The following MGST1 variants were observed in gnomAD, a reference collection of about 807,000 sequenced individuals.
The protein encoded by MGST1 is microsomal glutathione S-transferase 1, also known as glutathione S-transferase 12.
MGST1 carries 5 observed loss-of-function variants against 8.9 expected under a neutral mutation model. The observed-to-expected ratio is 0.56, with a 90% CI of 0.29 to 1.19. The LOEUF (loss-of-function observed/expected upper bound fraction) is 1.19. Ranked by LOEUF, MGST1 falls within the 50% of genes most tolerant of loss-of-function variation. The pLI is 0.08. For synonymous variants in MGST1, 54 were observed against 67.8 expected, an observed-to-expected ratio of 0.80 and a Z score of 1.00; for missense variants, 182 against 187.4, an observed-to-expected ratio of 0.97 and a Z score of 0.17.
intron 1 of MGST1, among the ~76,000 whole-genome samples, chr12:16,403,075 C>A (rs1323330697): frequency 6.6e-6 from 1 of 151,830 alleles, no homozygotes; most frequent in Non-Finnish European, 1.5e-5. Context: ...TTATCCTTGA[C>A]TTAATCATTT....
chr12:16,352,618 T>G (rs937713021), intron 1 of MGST1, among the ~76,000 whole-genome samples: 3 of 152,248 alleles, frequency 2.0e-5, no homozygotes, highest in Admixed American at 6.5e-5. Flanking sequence ...CTACCTGTTT[T>G]GACTTCAGTA....
At chr12:16,374,032 T>C (rs1205756390) in intron 3 of MGST1, among the ~76,000 whole-genome samples, 1 of 152,146 alleles carries the variant, frequency 6.6e-6, no homozygotes, top group East Asian at 1.9e-4. Flanking sequence ...TCCCTTTGGT[T>C]GGAAAAGTGT....
intron 4 of MGST1, among the ~76,000 whole-genome samples, chr12:16,518,498 T>C (rs1024844): frequency 0.47 from 72,196 of 151,998 alleles, 17,767 homozygotes; most frequent in Admixed American, 0.57. Flanking sequence ...ACTTATTTGT[T>C]CCCTCTTTTT....
chr12:16,515,802 T>C (rs1309245950), intron 4 of MGST1, among the ~76,000 whole-genome samples: 2 of 152,128 alleles, frequency 1.3e-5, no homozygotes, highest in African/African-American at 4.8e-5. Context: ...CTCTGACCAG[T>C]TGGACCTCCT....
chr12:16,538,612 T>TC (rs1324703421), intron 4 of MGST1, among the ~76,000 whole-genome samples: 1 of 149,388 alleles, frequency 6.7e-6, no homozygotes, highest in East Asian at 1.9e-4. Flanking sequence ...GCACTTCTTT[T>TC]TTTTTTTTTT....
chr12:16,359,444 A>G (rs1285732165), intron 3 of MGST1, among the ~76,000 whole-genome samples: 1 of 152,220 alleles, frequency 6.6e-6, no homozygotes, highest in Non-Finnish European at 1.5e-5. Context: ...TATCTCACTT[A>G]GTTATATACT....
downstream of MGST1, among the ~76,000 whole-genome samples, chr12:16,441,702 C>T (rs1239009331): frequency 6.6e-6 from 1 of 151,710 alleles, no homozygotes; most frequent in Non-Finnish European, 1.5e-5. Flanking sequence ...ACTCCATTGT[C>T]TTGGTGTATC....
At chr12:16,381,963 C>G (rs1054483677), downstream of MGST1, among the ~76,000 whole-genome samples, 1 of 152,190 alleles carries the variant, frequency 6.6e-6, no homozygotes, top group Admixed American at 6.5e-5. Flanking sequence ...TCACATAGCT[C>G]TCGTGCCTTG....
chr12:16,526,392 C>G (rs1391907300), intron 4 of MGST1, among the ~76,000 whole-genome samples: 1 of 151,990 alleles, frequency 6.6e-6, no homozygotes, highest in South Asian at 2.1e-4. Context: ...TCTTCCTACT[C>G]TACCTTCCAG....
intron 4 of MGST1, among the ~76,000 whole-genome samples, chr12:16,588,464 A>C (rs753740646): frequency 2.6e-5 from 4 of 152,124 alleles, no homozygotes; most frequent in African/African-American, 4.8e-5. Context: ...GGAATATTAA[A>C]TATAATGCTT....
Position 16,585,640 on chromosome 12 carries a change from C to A in MGST1, n.483-3888C>A, listed in dbSNP as rs564862164. Among the ~76,000 whole-genome samples, 11 of 152,252 alleles carry A rather than the reference C, an allele frequency of 7.2e-5. No individual in the cohort carries two copies. The South Asian group carries it at 2.1e-3, about 29-fold the overall frequency. On this transcript the variant is annotated intron_variant and non_coding_transcript_variant, in intron 4 of 4. Coordinates refer to the MGST1 transcript ENST00000538857. The surrounding 1 kb of genome is among the most constrained non-coding windows in gnomAD (Gnocchi z 4.7). ...GTATTTTCTTTCCGTTGAAGTCCAC[C>A]CATTCCAATTATTTAAGTGATTTCA...
chr12:16,492,059 G>A (rs1941442845), intron 4 of MGST1, among the ~76,000 whole-genome samples: 1 of 152,102 alleles, frequency 6.6e-6, no homozygotes, highest in African/African-American at 2.4e-5. Context: ...ATAAAGGTAT[G>A]TATGAAAAGT....
intron 1 of MGST1, among the ~76,000 whole-genome samples, chr12:16,406,321 G>T (rs868766434): frequency 6.6e-6 from 1 of 152,082 alleles, no homozygotes; most frequent in South Asian, 2.1e-4. Flanking sequence ...CAATTGCCAT[G>T]AAAGAATACA....
At chr12:16,533,873 G>A (rs1483855720) in intron 4 of MGST1, among the ~76,000 whole-genome samples, 2 of 152,162 alleles carry the variant, frequency 1.3e-5, no homozygotes, top group Non-Finnish European at 2.9e-5. Context: ...TGGCAGGTGA[G>A]TTAATGTTTG....
Position 16,401,804 on chromosome 12 carries a change from A to C in MGST1, n.778+18200A>C. 3.7e-6 allele frequency: 6 copies of C among 1,603,718 alleles called. No homozygotes were observed. Among genetic ancestry groups the C allele is most frequent in the Non-Finnish European group, 5.1e-6 (6 of 1,170,512 alleles). On this transcript the variant is annotated intron_variant and non_coding_transcript_variant, in intron 1 of 1. Coordinates refer to the MGST1 transcript ENST00000359720. The surrounding 1 kb of genome is among the most constrained non-coding windows in gnomAD (Gnocchi z 4.3). ...TGTGTCAAACTTTCTCATCTGCATC[A>C]ACTATTTCCATGACTCTTTCCTTGA...
In MGST1 at chr12:16,410,686, TATATA is replaced by T. The variant is rs1237460332; in HGVS notation, n.779-26691_779-26687del. 1.4e-5 allele frequency among the ~76,000 whole-genome samples: 2 copies of T among 148,060 alleles called. No individual in the cohort carries two copies. The highest frequency in any genetic ancestry group is 2.1e-4 in the South Asian group (1 of 4,780). The stretch of plus-strand genomic sequence containing the variant: ...TACATAATCAAATATATAATATAAA[TATATA>T]ATATAATATATAAATATATAATCAA... On this transcript the variant is annotated intron_variant and non_coding_transcript_variant, in intron 1 of 1. Coordinates refer to the MGST1 transcript ENST00000359720. This position sits in a 1 kb window ranked among gnomAD's most constrained non-coding sequence, Gnocchi z 4.4.
At chr12:16,499,123 A>T (rs568701963) in intron 4 of MGST1, among the ~76,000 whole-genome samples, 1 of 152,188 alleles carries the variant, frequency 6.6e-6, no homozygotes, top group Non-Finnish European at 1.5e-5. Flanking sequence ...CAGTTTTGAC[A>T]TATAATCTCT....
intron 4 of MGST1, among the ~76,000 whole-genome samples, chr12:16,588,566 T>C (rs989231): frequency 0.54 from 81,476 of 151,930 alleles, 24,817 homozygotes; most frequent in Non-Finnish European, 0.68. Flanking sequence ...ACAAAGGAAA[T>C]AGAATTTTCA....
intron 1 of MGST1, among the ~76,000 whole-genome samples, chr12:16,352,174 G>T (rs2947103): frequency 0.63 from 95,451 of 151,562 alleles, 31,392 homozygotes; most frequent in Non-Finnish European, 0.73. Context: ...TAACAAAGGT[G>T]ATGAAAGTAG....
Sources: gnomAD v4.1 joint callset for allele counts (sites outside exome capture counted in the v4.1 genomes callset) on GRCh38, gnomAD v4.1.1 for gene constraint, Gnocchi (gnomAD v3.1) non-coding constraint, MANE v1.5 for transcripts, NCBI Gene and HGNC (gene_info 2026-07-23, HGNC 2026-07-21) for gene names.